TMCO4: variants seen among roughly 807,000 people sequenced by gnomAD.
TMCO4 encodes the protein transmembrane and coiled-coil domain-containing protein 4.
Under a neutral mutation model 64.7 loss-of-function variants are expected in TMCO4, and 58 were observed. That is an observed-to-expected ratio of 0.90 (90% CI 0.73 to 1.12). The LOEUF is 1.12. Ranked by LOEUF, TMCO4 falls within the 50% of genes most tolerant of loss-of-function variation. The probability of loss-of-function intolerance (pLI) is 0.00; values close to 1 mark genes in which losing one functional copy is unlikely to be tolerated. For missense variants in TMCO4, 780 were observed against 825.9 expected (o/e 0.94, Z 0.68); for synonymous variants, 325 against 346.1 (o/e 0.94, Z 0.68).
chr1:19,718,899 T>G (rs1415710271), intron 13 of TMCO4, among the ~76,000 whole-genome samples: 1 of 152,130 alleles, frequency 6.6e-6, no homozygotes, highest in Non-Finnish European at 1.5e-5. Context: ...CATTGCTCCC[T>G]GAGCCTGAGA....
At chr1:19,794,794 C>G (rs1429961573) in intron 2 of TMCO4, among the ~76,000 whole-genome samples, 2 of 152,166 alleles carry the variant, frequency 1.3e-5, no homozygotes, top group African/African-American at 4.8e-5. Flanking sequence ...TATATACACA[C>G]AGTGGAACAT....
chr1:19,773,603 G>A (rs142465686), intron 4 of TMCO4, among the ~76,000 whole-genome samples: 10 of 152,300 alleles, frequency 6.6e-5, no homozygotes, highest in African/African-American at 2.4e-4. Context: ...GCAGCTGGGG[G>A]TGAAAGGCCT....
At position 19,734,751 on chromosome 1, in the gene TMCO4, G is replaced by C. The variant is rs568962113; in HGVS notation, c.1264+2621C>G. On this transcript the variant is annotated intron_variant, in intron 13 of 15. Coordinates refer to ENST00000294543, the MANE Select transcript of TMCO4 (RefSeq NM_181719.7). This position sits in a 1 kb window ranked among gnomAD's most constrained non-coding sequence, Gnocchi z 4.4. ...TCTGCCAAATACAGCATAGTGGTTA[G>C]GAGTGAGGGCTCCAGGGCCAGACTC... Among the ~76,000 whole-genome samples the C allele has an allele frequency of 6.6e-6, 1 of 152,124 alleles. No individual in the cohort carries two copies. Among genetic ancestry groups the C allele is most frequent in the Middle Eastern group, 3.2e-3 (1 of 316 alleles).
At chr1:19,703,934 C>T (rs2095288705) in intron 13 of TMCO4, among the ~76,000 whole-genome samples, 1 of 152,214 alleles carries the variant, frequency 6.6e-6, no homozygotes, top group Admixed American at 6.5e-5. Context: ...GCTGGGACAG[C>T]TTCAACCAGT....
Position 19,700,819 on chromosome 1 carries a change from C to T in TMCO4, c.1331G>A (p.Trp444Ter). The change falls in exon 14 of 16, where the codon TGG (tryptophan) becomes TAG (stop). Residue 444 changes from tryptophan to a stop codon, truncating the protein, a stop_gained. Coordinates refer to ENST00000294543, the MANE Select transcript of TMCO4 (RefSeq NM_181719.7). LOFTEE classifies it high-confidence loss of function. ...GAPVEGEAKH[W>*]EPFRKVVSGR... ...GGACACCACCTTCCGGAAAGGCTCC[C>T]AATGCTTGGCTTCTCCCTCCACAGG... is the stretch of plus-strand genomic sequence containing the variant. 1 of 1,614,238 alleles carries T rather than the reference C, an allele frequency of 6.2e-7. No individual in the cohort carries two copies. Among genetic ancestry groups the T allele is most frequent in the South Asian group, 1.1e-5 (1 of 91,090 alleles).
intron 6 of TMCO4, among the ~76,000 whole-genome samples, chr1:19,759,290 C>G (rs2042399023): frequency 6.6e-6 from 1 of 152,050 alleles, no homozygotes; most frequent in African/African-American, 2.4e-5. Flanking sequence ...GCCACCGCCA[C>G]AGCCACAGCC....
intron 15 of TMCO4, among the ~76,000 whole-genome samples, chr1:19,688,787 T>C (rs1230833865): frequency 3.3e-5 from 5 of 152,188 alleles, no homozygotes; most frequent in Admixed American, 3.3e-4. Context: ...CCGTAAAACA[T>C]GTGAGTTGTT....
chr1:19,723,365 C>T (rs55738003), intron 13 of TMCO4, among the ~76,000 whole-genome samples: 4,183 of 152,234 alleles, frequency 0.027, 207 homozygotes, highest in African/African-American at 0.094. Context: ...CTCCTTTCTC[C>T]TTCGATGCCA....
chr1:19,764,650 C>T (rs1194276566), intron 6 of TMCO4, among the ~76,000 whole-genome samples: 8 of 152,046 alleles, frequency 5.3e-5, no homozygotes, highest in African/African-American at 1.9e-4. Flanking sequence ...GTCAGGAGTT[C>T]GAGACCAGCC....
intron 4 of TMCO4, among the ~76,000 whole-genome samples, chr1:19,780,324 C>T (rs1211237576): frequency 6.6e-6 from 1 of 152,262 alleles, no homozygotes; most frequent in East Asian, 1.9e-4. Context: ...TCATAAAATG[C>T]TTAGAACAGG....
chr1:19,741,742 C>CTTTTT (rs11404111), intron 10 of TMCO4, among the ~76,000 whole-genome samples: 2 of 142,200 alleles, frequency 1.4e-5, no homozygotes, highest in African/African-American at 2.6e-5. Flanking sequence ...TTCTTTCTTT[C>CTTTTT]TTTTTTTTTT....
chr1:19,755,858 A>T, intron 6 of TMCO4, 92 bp from the exon 7 acceptor site: 1 of 1,498,906 alleles, frequency 6.7e-7, no homozygotes, highest in South Asian at 1.2e-5. Flanking sequence ...CACACTAGAA[A>T]CAGCCTAAAT....
chr1:19,716,194 T>A (rs58798982), intron 13 of TMCO4, among the ~76,000 whole-genome samples: 2 of 148,600 alleles, frequency 1.3e-5, no homozygotes, highest in African/African-American at 5.0e-5. Context: ...TTAATTTATT[T>A]ATTTTTTTGA....
intron 6 of TMCO4, among the ~76,000 whole-genome samples, chr1:19,757,044 A>C (rs1268618734): frequency 1.3e-5 from 2 of 151,730 alleles, no homozygotes; most frequent in Admixed American, 6.6e-5. Flanking sequence ...TAATCCCAGC[A>C]CTTTGGGACA....
At chr1:19,797,444 G>A (rs748770319) in intron 2 of TMCO4, among the ~76,000 whole-genome samples, 26 of 152,182 alleles carry the variant, frequency 1.7e-4, no homozygotes, top group Non-Finnish European at 2.5e-4. Context: ...TCCCAAGGAG[G>A]GAGGGGTGGC....
At chr1:19,774,051 C>T (rs1334735599) in intron 4 of TMCO4, among the ~76,000 whole-genome samples, 1 of 152,206 alleles carries the variant, frequency 6.6e-6, no homozygotes, top group Non-Finnish European at 1.5e-5. Flanking sequence ...GTAACACTGT[C>T]TGGCACCAGT....
intron 13 of TMCO4, among the ~76,000 whole-genome samples, chr1:19,706,565 G>A (rs900152232): frequency 1.6e-4 from 24 of 152,270 alleles, no homozygotes; most frequent in Middle Eastern, 3.4e-3. Context: ...CATGTAGAGC[G>A]TTTATGCTTG....
chr1:19,710,844 T>C (rs575866127), intron 13 of TMCO4, among the ~76,000 whole-genome samples: 3 of 152,342 alleles, frequency 2.0e-5, no homozygotes, highest in East Asian at 1.9e-4. Context: ...TCCTAAAAGA[T>C]TAATATCCCG....
chr1:19,759,833 C>T (rs1018441585), intron 6 of TMCO4, among the ~76,000 whole-genome samples: 2 of 152,204 alleles, frequency 1.3e-5, no homozygotes, highest in Non-Finnish European at 1.5e-5. Context: ...ACAAGGGCAG[C>T]GACATTTACT....
Sources: gnomAD v4.1 joint callset for allele counts (sites outside exome capture counted in the v4.1 genomes callset) on GRCh38, gnomAD v4.1.1 for gene constraint, Gnocchi (gnomAD v3.1) non-coding constraint, MANE v1.5 for transcripts, NCBI Gene and HGNC (gene_info 2026-07-23, HGNC 2026-07-21) for gene names.